ATP8A1: variants seen among roughly 807,000 people sequenced by gnomAD.
ATP8A1 encodes phospholipid-transporting ATPase IA.
A neutral mutation model predicts 177.7 loss-of-function variants in ATP8A1; 90 were observed. That is an observed-to-expected ratio of 0.51 (90% confidence interval 0.43 to 0.60). The LOEUF is 0.60. ATP8A1 is among the 20% of genes least tolerant of loss of function. The pLI, the probability that ATP8A1 is intolerant of heterozygous loss-of-function variation, is 0.00. For synonymous variants in ATP8A1, 493 were observed against 485.9 expected (o/e 1.01, Z -0.19); for missense variants, 1,072 against 1,392.8 (o/e 0.77, Z 3.67).
At position 42,574,598 on chromosome 4, in the gene ATP8A1, TA is replaced by T; in HGVS notation, c.1295+20del. ...CTAATTAAGCATGTATTTCATATCC[TA>T]ATTAAAGGAAAAAACTCACCCATAA... On this transcript the variant is annotated intron_variant, in intron 14 of 36. Transcript: ENST00000381668. 1 of 1,581,526 alleles carries T rather than the reference TA, an allele frequency of 6.3e-7. No individual in the cohort carries two copies. The highest frequency in any genetic ancestry group is 8.7e-7 in the Non-Finnish European group (1 of 1,155,490).
At chr4:42,614,300 A>G (rs1469659608) in intron 5 of ATP8A1, among the ~76,000 whole-genome samples, 1 of 152,198 alleles carries the variant, frequency 6.6e-6, no homozygotes, top group Non-Finnish European at 1.5e-5. Context: ...TTGAAAATCA[A>G]TAATTGCCAG....
chr4:42,437,987 G>A (rs924047002), intron 33 of ATP8A1, among the ~76,000 whole-genome samples: 7 of 152,220 alleles, frequency 4.6e-5, no homozygotes, highest in African/African-American at 1.7e-4. Flanking sequence ...AATAGTATAT[G>A]CACATCATGA....
chr4:42,564,747 A>T (rs998417886), intron 15 of ATP8A1, among the ~76,000 whole-genome samples: 3 of 152,192 alleles, frequency 2.0e-5, no homozygotes, highest in Admixed American at 1.3e-4. Context: ...GTTAATGCTG[A>T]AATGAGTTAA....
At chr4:42,489,565 CA>C (rs1204937774) in intron 24 of ATP8A1, among the ~76,000 whole-genome samples, 1 of 152,068 alleles carries the variant, frequency 6.6e-6, no homozygotes, top group Non-Finnish European at 1.5e-5. Context: ...GTAACAACAA[CA>C]AAAAAAGCTG....
intron 5 of ATP8A1, 124 bp downstream of exon 5, chr4:42,615,909 A>G (rs41265707): frequency 7.2e-6 from 6 of 831,320 alleles, no homozygotes; most frequent in Non-Finnish European, 1.1e-5. Context: ...GCAAAAATCA[A>G]TCTACCCCAA....
chr4:42,656,078 T>C (rs1741579349), intron 1 of ATP8A1, among the ~76,000 whole-genome samples: 2 of 152,186 alleles, frequency 1.3e-5, no homozygotes, highest in African/African-American at 2.4e-5. Flanking sequence ...TCGGAGACGA[T>C]GAAGAGTCTG....
chr4:42,512,830 G>A (rs1425749408), intron 22 of ATP8A1, among the ~76,000 whole-genome samples: 1 of 152,176 alleles, frequency 6.6e-6, no homozygotes, highest in African/African-American at 2.4e-5. Context: ...TGGTTGCAAA[G>A]CTGCTGGTCT....
At chr4:42,625,025 T>C (rs1235435015) in intron 3 of ATP8A1, 1 of 141,336 alleles carries the variant, frequency 7.1e-6, no homozygotes, top group East Asian at 2.0e-4. Context: ...GTAAACGAAG[T>C]CAATAAACGA....
chr4:42,585,603 C>G (rs528541865), intron 9 of ATP8A1, among the ~76,000 whole-genome samples: 189 of 150,844 alleles, frequency 1.3e-3, no homozygotes, highest in Middle Eastern at 3.4e-3. Context: ...GTTTCCAGAA[C>G]TGTGAGCAAT....
chr4:42,554,419 A>C (rs1445028851), intron 16 of ATP8A1, among the ~76,000 whole-genome samples: 2 of 152,190 alleles, frequency 1.3e-5, no homozygotes, highest in African/African-American at 4.8e-5. Context: ...TGATTTACTG[A>C]AAGCTGAGAA....
chr4:42,448,392 C>CTTTTT (rs1577952776), intron 30 of ATP8A1, among the ~76,000 whole-genome samples: 4 of 19,934 alleles, frequency 2.0e-4, no homozygotes, highest in East Asian at 4.7e-3. Context: ...CCCTCCTTCT[C>CTTTTT]TTTCTTTTCT....
At chr4:42,517,252 C>T (rs1410846408) in intron 22 of ATP8A1, among the ~76,000 whole-genome samples, 2 of 138,314 alleles carry the variant, frequency 1.4e-5, no homozygotes, top group Admixed American at 7.8e-5. Flanking sequence ...ACTGAGCCGA[C>T]ACTGCACTTT....
chr4:42,487,517 A>C (rs969440623), intron 24 of ATP8A1, among the ~76,000 whole-genome samples: 2 of 152,054 alleles, frequency 1.3e-5, no homozygotes, highest in South Asian at 2.1e-4. Flanking sequence ...TTTATAAAAT[A>C]AATACAAATA....
Position 42,424,269 on chromosome 4 carries a change from G to A in ATP8A1, c.3124-564C>T, listed in dbSNP as rs562149664. Among the ~76,000 whole-genome samples the A allele has an allele frequency of 1.3e-4, 19 of 150,262 alleles. No individual in the cohort carries two copies. The South Asian group carries it at 4.0e-3, about 32-fold the overall frequency. On this transcript the variant is annotated intron_variant, in intron 33 of 36. Coordinates refer to ENST00000381668, the MANE Select transcript of ATP8A1 (RefSeq NM_006095.2). Reference sequence around the variant, plus strand: ...AAATTGCTGTATTAGAGCCTTTTGGGTTGCAAAAAAAAATGATTCTGTAAT... The same window carrying A: ...AAATTGCTGTATTAGAGCCTTTTGGATTGCAAAAAAAAATGATTCTGTAAT...
chr4:42,650,380 C>A (rs1287095231), intron 1 of ATP8A1, among the ~76,000 whole-genome samples: 1 of 152,204 alleles, frequency 6.6e-6, no homozygotes, highest in Admixed American at 6.5e-5. Flanking sequence ...ATACTCATCT[C>A]CATGTTTCCT....
At chr4:42,554,283 A>C (rs1729820032) in intron 16 of ATP8A1, among the ~76,000 whole-genome samples, 1 of 152,182 alleles carries the variant, frequency 6.6e-6, no homozygotes, top group Non-Finnish European at 1.5e-5. Flanking sequence ...GCCGACACCC[A>C]AGATAGATTC....
At chr4:42,504,378 A>G (rs1458420324) in intron 23 of ATP8A1, among the ~76,000 whole-genome samples, 1 of 152,188 alleles carries the variant, frequency 6.6e-6, no homozygotes, top group Non-Finnish European at 1.5e-5. Context: ...CCCATCAAGA[A>G]AACCTACTTT....
chr4:42,570,068 A>G (rs1053954446), intron 14 of ATP8A1, among the ~76,000 whole-genome samples: 16 of 152,242 alleles, frequency 1.1e-4, no homozygotes, highest in African/African-American at 3.9e-4. Flanking sequence ...TGACGAATAT[A>G]CAATAAACTT....
intron 30 of ATP8A1, among the ~76,000 whole-genome samples, chr4:42,450,514 A>C (rs1717822438): frequency 6.6e-6 from 1 of 152,246 alleles, no homozygotes; most frequent in Admixed American, 6.5e-5. Flanking sequence ...GCAAGCAACA[A>C]ACTAACTCAC....
Sources: gnomAD v4.1 joint callset for allele counts (sites outside exome capture counted in the v4.1 genomes callset) on GRCh38, gnomAD v4.1.1 for gene constraint, MANE v1.5 for transcripts, NCBI Gene and HGNC (gene_info 2026-07-23, HGNC 2026-07-21) for gene names.